CAST: variants seen among roughly 807,000 people sequenced by gnomAD.
The protein encoded by CAST is calpastatin, also known as MIR583 host.
CAST carries 76 observed loss-of-function variants against 119.6 expected under a neutral mutation model. The observed-to-expected ratio is 0.64, with a 90% CI of 0.53 to 0.77. The LOEUF is 0.77. CAST is among the 30% of genes least tolerant of loss of function. CAST has a pLI of 0.00. For synonymous variants in CAST, 319 were observed against 331.6 expected (o/e 0.96, Z 0.41); for missense variants, 953 against 946.5 (o/e 1.01, Z -0.09).
chr5:96,469,547 C>T, the CAST span, among the ~76,000 whole-genome samples: 1 of 151,802 alleles, frequency 6.6e-6, no homozygotes, highest in Non-Finnish European at 1.5e-5. Flanking sequence ...TTGGATTATT[C>T]CTCAGGTTGT....
the CAST span, among the ~76,000 whole-genome samples, chr5:96,299,548 A>G: frequency 2.0e-5 from 3 of 152,092 alleles, no homozygotes; most frequent in African/African-American, 7.2e-5. Context: ...GTTGAGTGCA[A>G]TCCTCTTTCC....
At chr5:96,238,357 T>TCTTCTTCTTCTTCATCTCCTTCTTCTC in the CAST span, among the ~76,000 whole-genome samples, 1 of 79,598 alleles carries the variant, frequency 1.3e-5, no homozygotes, top group Non-Finnish European at 2.8e-5. Flanking sequence ...ATCTTCATCT[T>TCTTCTTCTTCTTCATCTCCTTCTTCTC]CTTCTTCTCC....
the CAST span, among the ~76,000 whole-genome samples, chr5:96,105,447 G>T: frequency 4.6e-5 from 7 of 152,140 alleles, no homozygotes; most frequent in Non-Finnish European, 8.8e-5. Flanking sequence ...TAGCATGAAG[G>T]TTGTTCAATT....
the CAST span, among the ~76,000 whole-genome samples, chr5:96,004,041 A>G: frequency 2.0e-5 from 3 of 152,364 alleles, no homozygotes; most frequent in African/African-American, 7.2e-5. Flanking sequence ...ACATTTAAAT[A>G]TAGCACATTA....
At chr5:96,719,409 T>G (rs1757800487) in intron 3 of CAST, among the ~76,000 whole-genome samples, 1 of 152,182 alleles carries the variant, frequency 6.6e-6, no homozygotes, top group Non-Finnish European at 1.5e-5. Context: ...TGTCCTCCCA[T>G]CTCGGCCTCC....
chr5:96,340,889 G>T, the CAST span, among the ~76,000 whole-genome samples: 2 of 152,126 alleles, frequency 1.3e-5, no homozygotes, highest in Non-Finnish European at 2.9e-5. Context: ...AACTTATGAT[G>T]CTCGTTACTA....
chr5:96,346,782 C>A, the CAST span, among the ~76,000 whole-genome samples: 2 of 152,098 alleles, frequency 1.3e-5, no homozygotes, highest in African/African-American at 4.8e-5. Context: ...CTGTGACCCC[C>A]ATCTGTCATA....
chr5:96,399,617 A>G, the CAST span, among the ~76,000 whole-genome samples: 3 of 152,210 alleles, frequency 2.0e-5, no homozygotes, highest in African/African-American at 7.2e-5. Flanking sequence ...CAACCCTAAG[A>G]TGCATTTTAA....
chr5:96,210,546 A>G, the CAST span, among the ~76,000 whole-genome samples: 1 of 152,050 alleles, frequency 6.6e-6, no homozygotes, highest in South Asian at 2.1e-4. Flanking sequence ...CCACTGATAT[A>G]TGTGTCTGCC....
the CAST span, among the ~76,000 whole-genome samples, chr5:96,382,552 A>G: frequency 6.6e-5 from 10 of 152,202 alleles, no homozygotes; most frequent in Non-Finnish European, 1.3e-4. Flanking sequence ...TTTAATGGCT[A>G]TTGCATACCA....
At chr5:96,533,330 A>C (rs966529052) in intron 1 of CAST, among the ~76,000 whole-genome samples, 1 of 152,186 alleles carries the variant, frequency 6.6e-6, no homozygotes, top group African/African-American at 2.4e-5. Context: ...AGAACTACCA[A>C]GGAAAATCTC....
chr5:96,074,626 T>C, the CAST span, among the ~76,000 whole-genome samples: 1 of 152,204 alleles, frequency 6.6e-6, no homozygotes, highest in East Asian at 1.9e-4. Flanking sequence ...GTGGGAAGTT[T>C]CCACTGCTTC....
At chr5:96,009,046 C>G in the CAST span, among the ~76,000 whole-genome samples, 2 of 152,082 alleles carry the variant, frequency 1.3e-5, no homozygotes, top group African/African-American at 4.8e-5. Flanking sequence ...TTCCCACTTA[C>G]AAGTGAGAAC....
At chr5:96,066,358 C>G in the CAST span, among the ~76,000 whole-genome samples, 1 of 152,004 alleles carries the variant, frequency 6.6e-6, no homozygotes, top group Non-Finnish European at 1.5e-5. Context: ...CATTCATTCC[C>G]ACTGCTTGCT....
chr5:96,034,534 A>C, the CAST span, among the ~76,000 whole-genome samples: 1 of 139,538 alleles, frequency 7.2e-6, no homozygotes, highest in South Asian at 2.4e-4. Context: ...CATCCATTAT[A>C]TATTCCATTA....
the CAST span, among the ~76,000 whole-genome samples, chr5:96,353,735 C>T: frequency 3.6e-3 from 549 of 151,504 alleles, 7 homozygotes; most frequent in African/African-American, 0.013. Flanking sequence ...TTCTCCTTCC[C>T]CTACCCAAGG....
Position 96,728,016 on chromosome 5 carries a change from A to C in CAST, c.378+486A>C, listed in dbSNP as rs188777287. 2.7e-3 allele frequency among the ~76,000 whole-genome samples: 409 copies of C among 152,244 alleles called. 2 individuals are homozygous for C. Among genetic ancestry groups the C allele is most frequent in the African/African-American group, 9.1e-3 (380 of 41,542 alleles). On this transcript the variant is annotated intron_variant, in intron 6 of 31. Transcript: ENST00000675179. Reference sequence around the variant, plus strand: ...GTTGGTGGAGCTAGTTAACAGTTACACAGGAGGCTAGCTTCTGTTACTTTC... The same window carrying C: ...GTTGGTGGAGCTAGTTAACAGTTACCCAGGAGGCTAGCTTCTGTTACTTTC...
At chr5:96,213,218 A>G in the CAST span, 14 of 152,156 alleles carry the variant, frequency 9.2e-5, no homozygotes, top group Admixed American at 9.2e-4. Context: ...TGATATTAAT[A>G]TAACTATTCC....
chr5:96,468,773 ATG>A, the CAST span, among the ~76,000 whole-genome samples: 36 of 152,188 alleles, frequency 2.4e-4, no homozygotes, highest in South Asian at 7.0e-3. Flanking sequence ...GCTCTTGGGC[ATG>A]TTATTAAGCT....
Sources: gnomAD v4.1 joint callset for allele counts (sites outside exome capture counted in the v4.1 genomes callset) on GRCh38, gnomAD v4.1.1 for gene constraint, MANE v1.5 for transcripts, NCBI Gene and HGNC (gene_info 2026-07-23, HGNC 2026-07-21) for gene names.